Variants in ASTN1 observed in about 807,000 individuals in gnomAD.
The protein encoded by ASTN1 is astrotactin-1.
ASTN1 carries 41 observed loss-of-function variants against 140.7 expected under a neutral mutation model. The ratio of observed to expected loss-of-function variants is 0.29; its 90% CI spans 0.23 to 0.38. ASTN1 has a LOEUF of 0.38. ASTN1 is among the 10% of genes least tolerant of loss of function. The pLI is 1.00. For missense variants in ASTN1, 1,479 were observed against 1,678.8 expected, an observed-to-expected ratio of 0.88 and a Z score of 2.08; for synonymous variants, 640 against 652.2, an observed-to-expected ratio of 0.98 and a Z score of 0.29.
chr1:177,084,509 C>T (rs1303370051), intron 1 of ASTN1, among the ~76,000 whole-genome samples: 1 of 152,150 alleles, frequency 6.6e-6, no homozygotes, highest in Non-Finnish European at 1.5e-5. Context: ...AAAAGGTGAA[C>T]TCTGTTAACT....
At position 176,877,473 on chromosome 1, in the gene ASTN1, G is replaced by A. The variant is rs371625061; in HGVS notation, c.3363-836C>T. Reference sequence around the variant, plus strand: ...ACCAGGAATCCAGAGTGGAAACATCGCAGTCTCCATGACAATGTGAAGACA... The same window carrying A: ...ACCAGGAATCCAGAGTGGAAACATCACAGTCTCCATGACAATGTGAAGACA... On this transcript the variant is annotated intron_variant, in intron 20 of 22. Transcript: ENST00000361833. 9.2e-5 allele frequency among the ~76,000 whole-genome samples: 14 copies of A among 152,266 alleles called. No homozygotes were observed. In the East Asian group the frequency reaches 9.6e-4, roughly 10 times the overall value.
chr1:176,963,568 T>C (rs1672756167), intron 9 of ASTN1, among the ~76,000 whole-genome samples: 1 of 152,178 alleles, frequency 6.6e-6, no homozygotes, highest in East Asian at 1.9e-4. Context: ...GGATAAAACA[T>C]CCGGTTGGCA....
intron 1 of ASTN1, among the ~76,000 whole-genome samples, chr1:177,125,434 G>A (rs1300616853): frequency 6.6e-6 from 1 of 152,184 alleles, no homozygotes; most frequent in African/African-American, 2.4e-5. Context: ...GCTAATAGAT[G>A]AAGTATTGAC....
intron 1 of ASTN1, among the ~76,000 whole-genome samples, chr1:177,100,549 G>T (rs530829806): frequency 6.6e-6 from 1 of 152,026 alleles, no homozygotes; most frequent in Non-Finnish European, 1.5e-5. Flanking sequence ...ATTTGACATC[G>T]AGAGAAAGGT....
At chr1:176,868,279 A>G (rs897371921) in intron 22 of ASTN1, among the ~76,000 whole-genome samples, 8 of 152,188 alleles carry the variant, frequency 5.3e-5, no homozygotes, top group African/African-American at 1.9e-4. Context: ...TGTGCAACCT[A>G]AAAGCAGTGG....
At chr1:176,942,344 C>T (rs999698695) in intron 14 of ASTN1, among the ~76,000 whole-genome samples, 5 of 152,154 alleles carry the variant, frequency 3.3e-5, no homozygotes, top group African/African-American at 9.7e-5. Context: ...AGGAGCTAAG[C>T]CCTGCTGCCA....
chr1:177,157,201 T>C (rs1258643397), intron 1 of ASTN1, among the ~76,000 whole-genome samples: 2 of 152,230 alleles, frequency 1.3e-5, no homozygotes, highest in Non-Finnish European at 2.9e-5. Flanking sequence ...CACATTAATA[T>C]AAGATGTTAA....
At chr1:176,922,658 T>C (rs1670786883) in intron 16 of ASTN1, among the ~76,000 whole-genome samples, 1 of 151,164 alleles carries the variant, frequency 6.6e-6, no homozygotes, top group African/African-American at 2.4e-5. Flanking sequence ...GGTCTGAACA[T>C]GGTTGGCAAA....
intron 1 of ASTN1, among the ~76,000 whole-genome samples, chr1:177,163,651 G>A (rs1010806343): frequency 3.9e-5 from 6 of 152,152 alleles, no homozygotes; most frequent in Non-Finnish European, 5.9e-5. Context: ...GAATGCCTAC[G>A]CCTATCTAAG....
chr1:176,934,467 G>C, intron 15 of ASTN1, 127 bp from the exon 16 acceptor site: 1 of 882,840 alleles, frequency 1.1e-6, no homozygotes, highest in Non-Finnish European at 1.6e-6. Context: ...GAGCTAGCTA[G>C]AAGTGTCTGG....
At chr1:177,022,016 ATGT>A (rs1452761164) in intron 7 of ASTN1, among the ~76,000 whole-genome samples, 1 of 152,204 alleles carries the variant, frequency 6.6e-6, no homozygotes, top group African/African-American at 2.4e-5. Context: ...GATGTTTAAA[ATGT>A]TGTACTTTCT....
intron 1 of ASTN1, among the ~76,000 whole-genome samples, chr1:177,119,933 T>C (rs1681293436): frequency 6.6e-6 from 1 of 152,118 alleles, no homozygotes; most frequent in East Asian, 1.9e-4. Flanking sequence ...TGGGGCAGAC[T>C]GGGGGAGAAG....
Position 176,863,655 on chromosome 1 carries a change from G to A in ASTN1, c.*629C>T. 1.0e-6 allele frequency: 1 copy of A among 985,594 alleles called. No homozygotes were observed. Among genetic ancestry groups the A allele is most frequent in the South Asian group, 4.7e-5 (1 of 21,294 alleles). The allele number at this position is 985,594 out of a possible 1,614,324, so 61.1% of individuals were successfully genotyped here. A position where few individuals can be genotyped will look rare whatever the true frequency, so the allele number is the denominator to read the frequency against. ...AATAAGGAAGGATCTCAAAACCCAA[G>A]TGGCCCACTGGGGCCTATAATGAAA... is the stretch of plus-strand genomic sequence containing the variant. On this transcript the variant is annotated 3_prime_UTR_variant, in exon 23 of 23. Coordinates refer to ENST00000361833, the MANE Select transcript of ASTN1 (RefSeq NM_004319.3).
rs112092448 is a variant in ASTN1 at position 176,891,046 on chromosome 1, T to TA, written c.2941-2843dup. Among the ~76,000 whole-genome samples the TA allele has an allele frequency of 5.7e-4, 82 of 144,288 alleles. 1 individual carries two copies. Among genetic ancestry groups the TA allele is most frequent in the African/African-American group, 1.3e-3 (53 of 39,380 alleles). 94.7% of individuals were successfully genotyped at this position (144,288 alleles called of 152,430 possible). ...GTCTCAAAAAAACAAAAATTAAAAT[T>TA]AAAAAAAAAAAGAGTTTCTACTCTC... On this transcript the variant is annotated intron_variant, in intron 17 of 22. Coordinates refer to ENST00000361833, the MANE Select transcript of ASTN1 (RefSeq NM_004319.3).
chr1:176,958,027 G>T (rs920668414), intron 10 of ASTN1, among the ~76,000 whole-genome samples, 199 bp from the exon 11 acceptor site: 1 of 152,222 alleles, frequency 6.6e-6, no homozygotes, highest in African/African-American at 2.4e-5. Flanking sequence ...AGCCAAGGCT[G>T]TAACGCCTGG....
downstream of ASTN1, among the ~76,000 whole-genome samples, chr1:176,858,515 G>C (rs577655915): frequency 1.2e-4 from 19 of 152,302 alleles, no homozygotes; most frequent in East Asian, 2.7e-3. Flanking sequence ...GCAGAAAACA[G>C]AGACTGGCAC....
At chr1:176,992,415 A>C (rs1674227183) in intron 8 of ASTN1, among the ~76,000 whole-genome samples, 1 of 152,152 alleles carries the variant, frequency 6.6e-6, no homozygotes, top group Non-Finnish European at 1.5e-5. Flanking sequence ...CCTTAAGAAA[A>C]AAAAAAAAAT....
chr1:177,147,289 C>T (rs766769243), intron 1 of ASTN1, among the ~76,000 whole-genome samples: 1 of 152,108 alleles, frequency 6.6e-6, no homozygotes, highest in East Asian at 1.9e-4. Context: ...TAGAAGGCTT[C>T]CCAGGAGTTA....
At position 177,024,536 on chromosome 1, in the gene ASTN1, T is replaced by C. The variant is rs773788880; in HGVS notation, c.1270+47A>G. On this transcript the variant is annotated intron_variant, in intron 6 of 22. Transcript: ENST00000361833. The stretch of plus-strand genomic sequence containing the variant: ...TCTAGCCTTTGCCCAACCAGAAAAC[T>C]TTCCTTTTTGGGGGGCAAGGTCGCA... The C allele has an allele frequency of 3.7e-6, 6 of 1,601,080 alleles. No homozygotes were observed. In the South Asian group the frequency reaches 6.6e-5, roughly 18 times the overall value.
Sources: allele counts gnomAD v4.1 joint callset (sites outside exome capture counted in the v4.1 genomes callset), GRCh38; gene constraint gnomAD v4.1.1; transcripts MANE v1.5; gene names NCBI Gene and HGNC (gene_info 2026-07-23, HGNC 2026-07-21).